SEMA4D: variants seen among roughly 807,000 people sequenced by gnomAD.
SEMA4D encodes semaphorin 4D.
A neutral mutation model predicts 74.8 loss-of-function variants in SEMA4D; 22 were observed. That is an observed-to-expected ratio of 0.29 (90% confidence interval 0.21 to 0.42). SEMA4D has a LOEUF of 0.42. Among genes scored for constraint, SEMA4D ranks in the 10% least tolerant of loss-of-function variants. The probability of loss-of-function intolerance (pLI) is 1.00; values close to 1 mark genes in which losing one functional copy is unlikely to be tolerated. For missense variants in SEMA4D, 937 were observed against 1,118.4 expected (o/e 0.84, Z 2.31); for synonymous variants, 445 against 463.7 (o/e 0.96, Z 0.52).
At chr9:89,403,422 T>C (rs759741581) in intron 3 of SEMA4D, among the ~76,000 whole-genome samples, 2 of 152,222 alleles carry the variant, frequency 1.3e-5, no homozygotes, top group Non-Finnish European at 2.9e-5. Context: ...ATCCACAGAT[T>C]AGGTGTACAG....
chr9:89,413,857 T>A (rs887038893), intron 2 of SEMA4D, among the ~76,000 whole-genome samples: 1 of 152,262 alleles, frequency 6.6e-6, no homozygotes, highest in African/African-American at 2.4e-5. Flanking sequence ...TGTGTGCGCA[T>A]CTGTGTATGT....
In SEMA4D at chr9:89,447,907, G is replaced by A. The variant is rs570942007; in HGVS notation, c.-244+7981C>T. Among the ~76,000 whole-genome samples, 23 of 152,310 alleles carry A rather than the reference G, an allele frequency of 1.5e-4. No individual in the cohort carries two copies. In the East Asian group the frequency reaches 4.2e-3, roughly 28 times the overall value. The stretch of plus-strand genomic sequence containing the variant: ...CAGGCACAGGCATGGCGCCAGCCTT[G>A]GCTCCATCAATCAGCCCAGCTCCCC... On this transcript the variant is annotated intron_variant, in intron 2 of 15. Transcript: ENST00000422704.
At chr9:89,402,779 A>C (rs1587613484) in intron 4 of SEMA4D, 92 bp downstream of exon 4, 1 of 1,392,876 alleles carries the variant, frequency 7.2e-7, no homozygotes, top group Non-Finnish European at 1.0e-6. Context: ...TGGAGGCTCC[A>C]GGTAAGTCAG....
intron 18 of SEMA4D, chr9:89,362,442 G>A (rs772049823): frequency 1.2e-6 from 2 of 1,613,900 alleles, no homozygotes; most frequent in East Asian, 4.5e-5. Flanking sequence ...AAAGAACAAT[G>A]TGGTCTTTGA....
At chr9:89,383,178 C>T (rs562047127) in intron 13 of SEMA4D, among the ~76,000 whole-genome samples, 2 of 152,322 alleles carry the variant, frequency 1.3e-5, no homozygotes, top group South Asian at 4.1e-4. Context: ...GAGAACAGGG[C>T]ATTTCTGTAG....
chr9:89,460,581 C>T (rs878873931), intron 1 of SEMA4D, among the ~76,000 whole-genome samples: 4 of 152,236 alleles, frequency 2.6e-5, no homozygotes, highest in African/African-American at 4.8e-5. Context: ...CCTGGAAGAC[C>T]GGTACTCACA....
chr9:89,402,746 G>T, intron 4 of SEMA4D, 125 bp downstream of exon 4: 1 of 1,021,068 alleles, frequency 9.8e-7, no homozygotes, highest in Non-Finnish European at 1.4e-6. Flanking sequence ...CAAAGATGGG[G>T]CTGCATGGTC....
chr9:89,363,071 T>C (rs1832954917), intron 18 of SEMA4D, among the ~76,000 whole-genome samples: 1 of 152,194 alleles, frequency 6.6e-6, no homozygotes, highest in Admixed American at 6.5e-5. Context: ...TCCCCATCTG[T>C]CCAGGTTTCC....
intron 1 of SEMA4D, among the ~76,000 whole-genome samples, chr9:89,478,377 C>T (rs2136127508): frequency 6.6e-6 from 1 of 152,242 alleles, no homozygotes; most frequent in African/African-American, 2.4e-5. Context: ...AGCCAAGGGA[C>T]ACTGGGGCCA....
In SEMA4D at chr9:89,386,343, G is replaced by A. The variant is rs1436754743; in HGVS notation, c.1446+24C>T. 1.9e-6 allele frequency: 3 copies of A among 1,562,906 alleles called. No homozygotes were observed. The Admixed American group carries it at 5.1e-5, about 27-fold the overall frequency. Reference sequence around the variant, plus strand: ...AAGCCACCGAGCGGAGAAGCCCCCGGTCCAGCTGCCTGCGTCACTTTACCT... The same window carrying A: ...AAGCCACCGAGCGGAGAAGCCCCCGATCCAGCTGCCTGCGTCACTTTACCT... On this transcript the variant is annotated intron_variant, in intron 13 of 15. Transcript: ENST00000422704.
intron 2 of SEMA4D, among the ~76,000 whole-genome samples, chr9:89,444,734 ATCT>A (rs779300560): frequency 7.9e-5 from 12 of 152,302 alleles, no homozygotes; most frequent in Admixed American, 3.3e-4. Flanking sequence ...AACCCATGTA[ATCT>A]TCTTAACAAA....
At chr9:89,450,196 A>C in intron 2 of SEMA4D, 1 of 1,285,672 alleles carries the variant, frequency 7.8e-7, no homozygotes, top group Non-Finnish European at 1.1e-6. Flanking sequence ...AAGAAGGACC[A>C]TGAAAAAGCT....
At chr9:89,452,184 T>TG (rs1554777569) in intron 2 of SEMA4D, among the ~76,000 whole-genome samples, 1 of 146,576 alleles carries the variant, frequency 6.8e-6, no homozygotes, top group Non-Finnish European at 1.5e-5. Flanking sequence ...TTTTTTTTGT[T>TG]TTTTTTTTTT....
At chr9:89,465,959 G>A (rs1371577068) in intron 1 of SEMA4D, among the ~76,000 whole-genome samples, 4 of 152,224 alleles carry the variant, frequency 2.6e-5, no homozygotes, top group African/African-American at 4.8e-5. Flanking sequence ...GGTGTGTCTA[G>A]AGATGGTGTC....
chr9:89,430,439 C>T (rs554949178), intron 2 of SEMA4D, among the ~76,000 whole-genome samples: 35 of 152,304 alleles, frequency 2.3e-4, no homozygotes, highest in African/African-American at 8.4e-4. Flanking sequence ...GCAAAACCCA[C>T]CCAGGGCAGG....
At chr9:89,496,916 G>T (rs768390769) in intron 1 of SEMA4D, among the ~76,000 whole-genome samples, 1 of 152,240 alleles carries the variant, frequency 6.6e-6, no homozygotes, top group Non-Finnish European at 1.5e-5. Flanking sequence ...TTGGCCCCAG[G>T]CCCCACGTCC....
chr9:89,423,120 T>G (rs1246784168), intron 2 of SEMA4D, among the ~76,000 whole-genome samples: 2 of 152,252 alleles, frequency 1.3e-5, no homozygotes, highest in Non-Finnish European at 1.5e-5. Context: ...TTCAGTTAGT[T>G]GAGCTGAAGT....
intron 2 of SEMA4D, chr9:89,450,567 C>T (rs36064343): frequency 0.21 from 207,647 of 1,000,520 alleles, 24,478 homozygotes; most frequent in South Asian, 0.25. Flanking sequence ...AACCAGTGGT[C>T]CCTTCCAGCC....
chr9:89,493,524 G>C (rs896030428), intron 1 of SEMA4D, among the ~76,000 whole-genome samples: 3 of 152,178 alleles, frequency 2.0e-5, no homozygotes, highest in Non-Finnish European at 4.4e-5. Context: ...GTCAATTGCA[G>C]GCCTAACGGG....
Sources: allele counts gnomAD v4.1 joint callset (sites outside exome capture counted in the v4.1 genomes callset), GRCh38; gene constraint gnomAD v4.1.1; transcripts MANE v1.5; gene names NCBI Gene and HGNC (gene_info 2026-07-23, HGNC 2026-07-21).